Variants in OR5AN1 observed in about 807,000 individuals in gnomAD.
The protein encoded by OR5AN1 is olfactory receptor 5AN1.
For synonymous variants in OR5AN1, 167 were observed against 131.8 expected, an observed-to-expected ratio of 1.27 and a Z score of -1.83; for missense variants, 476 against 368.9, an observed-to-expected ratio of 1.29 and a Z score of -2.38.
rs1157680843 is a variant in OR5AN1, at chr11:59,366,719, C to T, written c.*1325C>T. The stretch of plus-strand genomic sequence containing the variant: ...TTATTGAGCTGATACTTATTCAAAA[C>T]TCAGAATAGGGACCCCAGCATATAA... On this transcript the variant is annotated 3_prime_UTR_variant, in exon 2 of 2. Transcript: ENST00000641998. 2.0e-5 allele frequency: 3 copies of T among 152,134 alleles called. No homozygotes were observed. Among genetic ancestry groups the T allele is most frequent in the African/African-American group, 4.8e-5 (2 of 41,422 alleles). The allele number at this position is 152,134 out of a possible 1,614,324, so 9.4% of individuals were successfully genotyped here. A position where few individuals can be genotyped will look rare whatever the true frequency, so the allele number is the denominator to read the frequency against.
Position 59,365,418 on chromosome 11 carries a change from C to T in OR5AN1, c.*24C>T, listed in dbSNP as rs1477615538. The T allele has an allele frequency of 2.9e-6, 4 of 1,375,900 alleles. No homozygotes were observed. In the African/African-American group the frequency reaches 4.3e-5, roughly 15 times the overall value. 85.2% of individuals were successfully genotyped at this position (1,375,900 alleles called of 1,614,324 possible). On this transcript the variant is annotated 3_prime_UTR_variant, in exon 2 of 2. Transcript: ENST00000641998. ...GAGTTTACAGATTCTGAGATTTCTG[C>T]CAGATATGGCCCATCAGAATCTCCC...
At position 59,370,609 on chromosome 11, in the gene OR5AN1, T is replaced by C. The variant is rs1398644390; in HGVS notation, c.*5215T>C. On this transcript the variant is annotated 3_prime_UTR_variant, in exon 2 of 2. Coordinates refer to ENST00000641998, the MANE Select transcript of OR5AN1 (RefSeq NM_001004729.2). ...GAGCAAAGTATATCCAAGATATTCTTGCCCTTACAAATATCAATGTATTCA... is the reference window on the plus strand; with the variant it reads ...GAGCAAAGTATATCCAAGATATTCTCGCCCTTACAAATATCAATGTATTCA... 2.6e-5 allele frequency: 4 copies of C among 152,356 alleles called. No homozygotes were observed. The South Asian group carries it at 8.3e-4, about 32-fold the overall frequency. 9.4% of individuals were successfully genotyped at this position (152,356 alleles called of 1,614,324 possible). A position where few individuals can be genotyped will look rare whatever the true frequency, so the allele number is the denominator to read the frequency against.
Position 59,369,047 on chromosome 11 carries a change from A to G in OR5AN1, c.*3653A>G, listed in dbSNP as rs1222154650. The G allele has an allele frequency of 6.6e-6, 1 of 152,336 alleles. No individual in the cohort carries two copies. 9.4% of individuals were successfully genotyped at this position (152,336 alleles called of 1,614,324 possible). A position where few individuals can be genotyped will look rare whatever the true frequency, so the allele number is the denominator to read the frequency against. ...CCTCTGAAACAAGAGATAAGAAGTG[A>G]GCATCAAACACAGACCCTACACAAA... is the stretch of plus-strand genomic sequence containing the variant. On this transcript the variant is annotated 3_prime_UTR_variant, in exon 2 of 2. Coordinates refer to ENST00000641998, the MANE Select transcript of OR5AN1 (RefSeq NM_001004729.2).
At position 59,366,745 on chromosome 11, in the gene OR5AN1, T is replaced by C. The variant is rs1054375008; in HGVS notation, c.*1351T>C. ...TCAGAATAGGGACCCCAGCATATAA[T>C]AAACGCTATACGTGAATCATGTATT... On this transcript the variant is annotated 3_prime_UTR_variant, in exon 2 of 2. Transcript: ENST00000641998. 6.6e-6 allele frequency: 1 copy of C among 152,242 alleles called. No individual in the cohort carries two copies. The highest frequency in any genetic ancestry group is 2.4e-5 in the African/African-American group (1 of 41,462). 9.4% of individuals were successfully genotyped at this position (152,242 alleles called of 1,614,324 possible).
chr11:59,360,383 T>C (rs979248444), intron 1 of OR5AN1, among the ~76,000 whole-genome samples: 1 of 152,206 alleles, frequency 6.6e-6, no homozygotes, highest in Non-Finnish European at 1.5e-5. Context: ...ATCTGAGATA[T>C]TGTATTAGAG....
Position 59,365,259 on chromosome 11 carries a change from T to G in OR5AN1, c.801T>G (p.Gly267=). 1 of 1,613,870 alleles carries G rather than the reference T, an allele frequency of 6.2e-7. No individual in the cohort carries two copies. The highest frequency in any genetic ancestry group is 8.5e-7 in the Non-Finnish European group (1 of 1,179,890). ...TCTATTTGAGTTCCAGCTCTGGAGG[T>G]TCTTCAAGCTTTGACAGATTTGCAT... The part of the protein sequence containing the change: ...IFVYLSSSSG[G]SSSFDRFASV... The change falls in exon 2 of 2, where the codon GGT becomes GGG. Residue 267 remains glycine, a synonymous_variant. Transcript: ENST00000641998.
intron 1 of OR5AN1, among the ~76,000 whole-genome samples, chr11:59,363,885 C>T (rs952602277): frequency 3.3e-5 from 5 of 152,148 alleles, no homozygotes; most frequent in African/African-American, 1.2e-4. Flanking sequence ...GCCTCAGCCT[C>T]AGGAGTAACT....
At chr11:59,361,703 C>T (rs973249855) in intron 1 of OR5AN1, among the ~76,000 whole-genome samples, 1 of 152,156 alleles carries the variant, frequency 6.6e-6, no homozygotes, top group Non-Finnish European at 1.5e-5. Context: ...TAATCATGTG[C>T]TAAACATCGC....
Position 59,367,109 on chromosome 11 carries a change from A to C in OR5AN1, c.*1715A>C, listed in dbSNP as rs1857543770. 6.6e-6 allele frequency: 1 copy of C among 152,252 alleles called. No individual in the cohort carries two copies. The highest frequency in any genetic ancestry group is 1.5e-5 in the Non-Finnish European group (1 of 68,044). The allele number at this position is 152,252 out of a possible 1,614,324, so 9.4% of individuals were successfully genotyped here. A position where few individuals can be genotyped will look rare whatever the true frequency, so the allele number is the denominator to read the frequency against. On this transcript the variant is annotated 3_prime_UTR_variant, in exon 2 of 2. Coordinates refer to ENST00000641998, the MANE Select transcript of OR5AN1 (RefSeq NM_001004729.2). The stretch of plus-strand genomic sequence containing the variant: ...CAATAAAGTAACAAAGCTGTGAATC[A>C]GAAAAAAATTGAAAAAAGAATGCCA...
chr11:59,364,726 C>G lies in OR5AN1; in HGVS notation c.268C>G (p.Gln90Glu). 1 of 1,613,978 alleles carries G rather than the reference C, an allele frequency of 6.2e-7. No individual in the cohort carries two copies. The highest frequency in any genetic ancestry group is 8.5e-7 in the Non-Finnish European group (1 of 1,179,890). ...PKMLSNLLQE[Q>E]QTITFVGCII... ...GATGCTCTCCAACCTCTTACAGGAACAGCAAACTATCACTTTTGTTGGTTG... is the reference window on the plus strand; with the variant it reads ...GATGCTCTCCAACCTCTTACAGGAAGAGCAAACTATCACTTTTGTTGGTTG... The change falls in exon 2 of 2, where the codon CAG (glutamine) becomes GAG (glutamate). Residue 90 changes from glutamine (Q) to glutamate (E), a missense_variant. Coordinates refer to ENST00000641998, the MANE Select transcript of OR5AN1 (RefSeq NM_001004729.2).
chr11:59,361,239 A>C (rs1252531130), intron 1 of OR5AN1, among the ~76,000 whole-genome samples: 1 of 152,202 alleles, frequency 6.6e-6, no homozygotes, highest in Non-Finnish European at 1.5e-5. Flanking sequence ...TTAAGAGAGA[A>C]GTGATGATGG....
In OR5AN1 at chr11:59,359,204, C is replaced by A. The variant is rs1857437776; in HGVS notation, c.-82C>A. On this transcript the variant is annotated 5_prime_UTR_variant, in exon 1 of 2. Transcript: ENST00000641998. ...ACTTCCACATTCTGTACCTAAAGCT[C>A]TTCGTTGGATTCTCTTACTCCTTAC... The A allele has an allele frequency of 1.3e-5, 2 of 152,182 alleles. No individual in the cohort carries two copies. Among genetic ancestry groups the A allele is most frequent in the African/African-American group, 4.8e-5 (2 of 41,434 alleles). 9.4% of individuals were successfully genotyped at this position (152,182 alleles called of 1,614,324 possible).
rs1401639668 is a variant in OR5AN1 at position 59,367,488 on chromosome 11, C to A, written c.*2094C>A. The stretch of plus-strand genomic sequence containing the variant: ...AAGAGGCTGAATCCAGGGGTGTTAA[C>A]AGCAACAACCCACAGGCCCCACTTC... On this transcript the variant is annotated 3_prime_UTR_variant, in exon 2 of 2. Coordinates refer to ENST00000641998, the MANE Select transcript of OR5AN1 (RefSeq NM_001004729.2). 6.6e-6 allele frequency: 1 copy of A among 152,256 alleles called. No homozygotes were observed. The highest frequency in any genetic ancestry group is 2.4e-5 in the African/African-American group (1 of 41,444). 9.4% of individuals were successfully genotyped at this position (152,256 alleles called of 1,614,324 possible). A position where few individuals can be genotyped will look rare whatever the true frequency, so the allele number is the denominator to read the frequency against.
chr11:59,360,014 A>G (rs936554653), intron 1 of OR5AN1: 1 of 152,196 alleles, frequency 6.6e-6, no homozygotes, highest in African/African-American at 2.4e-5. Context: ...GATGGTGAAC[A>G]TATGCAAGGA....
In OR5AN1 at chr11:59,366,221, G is replaced by A. The variant is rs1857531994; in HGVS notation, c.*827G>A. On this transcript the variant is annotated 3_prime_UTR_variant, in exon 2 of 2. Coordinates refer to ENST00000641998, the MANE Select transcript of OR5AN1 (RefSeq NM_001004729.2). ...AGCCAATAGCAACATCTGATACTGT[G>A]GGACTCAAACTTTCTTTTTCTCCCC... The A allele has an allele frequency of 6.6e-6, 1 of 152,128 alleles. No individual in the cohort carries two copies. Among genetic ancestry groups the A allele is most frequent in the African/African-American group, 2.4e-5 (1 of 41,426 alleles). 9.4% of individuals were successfully genotyped at this position (152,128 alleles called of 1,614,324 possible). A position where few individuals can be genotyped will look rare whatever the true frequency, so the allele number is the denominator to read the frequency against.
chr11:59,361,534 G>A (rs1371026662), intron 1 of OR5AN1, among the ~76,000 whole-genome samples: 5 of 152,176 alleles, frequency 3.3e-5, no homozygotes. Context: ...ACCTGCCTCG[G>A]CCTCCCATAG....
chr11:59,365,001 C>A lies in OR5AN1; in HGVS notation c.543C>A (p.Asp181Glu). The change falls in exon 2 of 2, where the codon GAC becomes GAA. Residue 181 changes from aspartate (D) to glutamate (E), a missense_variant. Transcript: ENST00000641998. ...GSNVIRHFFC[D>E]MPQLLILSCT... ...ATGTCATCAGACATTTCTTCTGTGACATGCCCCAACTGTTAATCTTGTCCT... is the reference window on the plus strand; with the variant it reads ...ATGTCATCAGACATTTCTTCTGTGAAATGCCCCAACTGTTAATCTTGTCCT... 2.5e-6 allele frequency: 4 copies of A among 1,614,154 alleles called. No homozygotes were observed. Among genetic ancestry groups the A allele is most frequent in the Non-Finnish European group, 3.4e-6 (4 of 1,180,000 alleles).
intron 1 of OR5AN1, among the ~76,000 whole-genome samples, chr11:59,362,314 T>C (rs990855036): frequency 1.3e-5 from 2 of 152,196 alleles, no homozygotes; most frequent in Admixed American, 1.3e-4. Context: ...TTTTCTCTTA[T>C]AATTTCTGTT....
Position 59,369,613 on chromosome 11 carries a change from A to G in OR5AN1, c.*4219A>G, listed in dbSNP as rs1197545997. ...ACAAAGCCTCCAAGAAGTATGGGTT[A>G]TGTAAACAGGCCAAATCTACAAGTA... On this transcript the variant is annotated 3_prime_UTR_variant, in exon 2 of 2. Coordinates refer to ENST00000641998, the MANE Select transcript of OR5AN1 (RefSeq NM_001004729.2). 2 of 152,236 alleles carry G rather than the reference A, an allele frequency of 1.3e-5. No individual in the cohort carries two copies. Among genetic ancestry groups the G allele is most frequent in the Non-Finnish European group, 2.9e-5 (2 of 68,032 alleles). 9.4% of individuals were successfully genotyped at this position (152,236 alleles called of 1,614,324 possible). A position where few individuals can be genotyped will look rare whatever the true frequency, so the allele number is the denominator to read the frequency against.
Sources: gnomAD v4.1 joint callset for allele counts (sites outside exome capture counted in the v4.1 genomes callset) on GRCh38, gnomAD v4.1.1 for gene constraint, MANE v1.5 for transcripts, NCBI Gene and HGNC (gene_info 2026-07-23, HGNC 2026-07-21) for gene names.